Variants in FBXW7 observed in about 807,000 individuals in gnomAD.
FBXW7 encodes the protein F-box/WD repeat-containing protein 7.
FBXW7 carries 11 observed loss-of-function variants against 86.3 expected under a neutral mutation model. The ratio of observed to expected loss-of-function variants is 0.13; its 90% confidence interval spans 0.08 to 0.21. FBXW7 has a LOEUF of 0.21. Ranked by LOEUF, FBXW7 falls within the 10% of genes least tolerant of loss-of-function variation. The probability of loss-of-function intolerance (pLI) is 1.00; values close to 1 mark genes in which losing one functional copy is unlikely to be tolerated. For missense variants in FBXW7, 488 were observed against 847.4 expected (o/e 0.58, Z 5.27); for synonymous variants, 313 against 297.9 (o/e 1.05, Z -0.52).
intron 2 of FBXW7, among the ~76,000 whole-genome samples, chr4:152,467,520 T>C (rs540928174): frequency 6.1e-4 from 93 of 152,248 alleles, no homozygotes; most frequent in Middle Eastern, 3.4e-3. Flanking sequence ...AAACTAAACA[T>C]AAATTCACAA....
chr4:152,325,427 A>C (rs1008134890), intron 12 of FBXW7: 2 of 152,208 alleles, frequency 1.3e-5, no homozygotes, highest in Non-Finnish European at 2.9e-5. Flanking sequence ...CTTCCTATTC[A>C]TCTAGTTAAT....
chr4:152,504,412 T>G (rs1747227661), intron 2 of FBXW7, among the ~76,000 whole-genome samples: 1 of 152,190 alleles, frequency 6.6e-6, no homozygotes, highest in African/African-American at 2.4e-5. Flanking sequence ...AAAAACACTT[T>G]ATTTAATATA....
At chr4:152,330,685 C>T (rs202209279) in intron 9 of FBXW7, 47 bp downstream of exon 9, 1 of 1,587,950 alleles carries the variant, frequency 6.3e-7, no homozygotes, top group Non-Finnish European at 8.6e-7. Context: ...ACACTAGGTA[C>T]TAACACTGAT....
At position 152,323,152 on chromosome 4, in the gene FBXW7, A is replaced by G. The variant is rs2126466696; in HGVS notation, c.1856-3T>C. ...AGCACTCTGATGCTTGTTGGGACCT[A>G]GACAAAAACCAAAAGAATTTAATTA... On this transcript the variant is annotated splice_polypyrimidine_tract_variant and splice_region_variant and intron_variant, in intron 13 of 13. Transcript: ENST00000281708. 1 of 1,610,428 alleles carries G rather than the reference A, an allele frequency of 6.2e-7. No homozygotes were observed. The highest frequency in any genetic ancestry group is 8.5e-7 in the Non-Finnish European group (1 of 1,177,296).
chr4:152,417,199 G>T (rs1360656161), intron 2 of FBXW7, among the ~76,000 whole-genome samples: 2 of 152,040 alleles, frequency 1.3e-5, no homozygotes, highest in Non-Finnish European at 2.9e-5. Context: ...TTTCAAGAAG[G>T]TGTCCCAAAG....
At chr4:152,337,723 T>C (rs1326780029) in intron 7 of FBXW7, 79 bp downstream of exon 7, 4 of 1,409,250 alleles carry the variant, frequency 2.8e-6, no homozygotes, top group Non-Finnish European at 3.9e-6. Flanking sequence ...ATAATTAGCA[T>C]GACAATGTTT....
intron 2 of FBXW7, among the ~76,000 whole-genome samples, chr4:152,454,148 A>G (rs1215113352): frequency 6.6e-6 from 1 of 151,292 alleles, no homozygotes; most frequent in Non-Finnish European, 1.5e-5. Flanking sequence ...TTAAAAATGT[A>G]TTTTCTAGTT....
chr4:152,511,296 C>T (rs1389841690), intron 2 of FBXW7, among the ~76,000 whole-genome samples: 1 of 151,362 alleles, frequency 6.6e-6, no homozygotes, highest in East Asian at 1.9e-4. Flanking sequence ...CCCCCCGCCC[C>T]CCCCACCGAA....
intron 4 of FBXW7, among the ~76,000 whole-genome samples, chr4:152,354,517 G>A (rs1034876584): frequency 3.9e-5 from 6 of 152,054 alleles, no homozygotes; most frequent in Non-Finnish European, 8.8e-5. Flanking sequence ...CATAAGACAC[G>A]TGTAATACTA....
intron 2 of FBXW7, among the ~76,000 whole-genome samples, chr4:152,456,262 C>T (rs1368128737): frequency 6.6e-6 from 1 of 151,284 alleles, no homozygotes; most frequent in Non-Finnish European, 1.5e-5. Flanking sequence ...GCCTGTAATC[C>T]CTGCACTTCT....
rs761636157 is a variant in FBXW7 at position 152,337,874 on chromosome 4, T to A, written c.789A>T (p.Thr263=). ...TCACTTGCATCATATGTTTTACTTG[T>A]GTTGGTTCACAACTATCAATGAGTT... The part of the protein sequence containing the change: ...LDELIDSCEP[T]QVKHMMQVIE... The change falls in exon 7 of 14, where the codon ACA becomes ACT. Residue 263 remains threonine (T), a synonymous_variant. Transcript: ENST00000281708. The A allele has an allele frequency of 6.2e-7, 1 of 1,612,790 alleles. No individual in the cohort carries two copies. Among genetic ancestry groups the A allele is most frequent in the Non-Finnish European group, 8.5e-7 (1 of 1,179,246 alleles).
At position 152,411,635 on chromosome 4, in the gene FBXW7, C is replaced by A. The variant is rs2126880864; in HGVS notation, c.169G>T (p.Gly57Cys). Residue 57 changes from glycine to cysteine, a missense_variant, in exon 4 of 14, where the codon GGT (glycine) becomes TGT (cysteine). Physicochemically the swap from Gly to Cys is radical, Grantham distance 159 (BLOSUM62 -3). This residue lies in a region of FBXW7 where 230 missense variants were observed against 240.0 expected (regional missense o/e 0.96). Transcript: ENST00000281708. ...CTAGGTTCTACTCCAACAACTTCACCATTCCTTGCAGTGTGCTCCTCCTCT... is the reference window on the plus strand; with the variant it reads ...CTAGGTTCTACTCCAACAACTTCACAATTCCTTGCAGTGTGCTCCTCCTCT... Reference protein sequence around the residue: ...QQEEEHTARNGEVVGVEPRPG... With the variant: ...QQEEEHTARNCEVVGVEPRPG... 12 of 1,613,944 alleles carry A rather than the reference C, an allele frequency of 7.4e-6. No individual in the cohort carries two copies. Among genetic ancestry groups the A allele is most frequent in the Non-Finnish European group, 1.0e-5 (12 of 1,179,898 alleles).
At chr4:152,452,953 C>T (rs1446772035) in intron 2 of FBXW7, among the ~76,000 whole-genome samples, 2 of 152,162 alleles carry the variant, frequency 1.3e-5, no homozygotes, top group Non-Finnish European at 2.9e-5. Context: ...GAGGCTGAGG[C>T]AGGTGGGTTC....
intron 4 of FBXW7, among the ~76,000 whole-genome samples, chr4:152,370,816 G>A (rs1181274619): frequency 6.6e-6 from 1 of 151,128 alleles, no homozygotes; most frequent in Non-Finnish European, 1.5e-5. Flanking sequence ...TACAAAAACA[G>A]TATTAATATT....
At chr4:152,368,593 T>C (rs1441511775) in intron 4 of FBXW7, among the ~76,000 whole-genome samples, 1 of 152,130 alleles carries the variant, frequency 6.6e-6, no homozygotes, top group Non-Finnish European at 1.5e-5. Flanking sequence ...AGGTACCATT[T>C]TGACAAGACA....
At chr4:152,409,378 T>C (rs896308644) in intron 4 of FBXW7, among the ~76,000 whole-genome samples, 3 of 152,178 alleles carry the variant, frequency 2.0e-5, no homozygotes, top group African/African-American at 7.2e-5. Flanking sequence ...TTTAAAGCTC[T>C]TCCAAAATAA....
At chr4:152,382,912 G>A (rs1283409659) in intron 4 of FBXW7, among the ~76,000 whole-genome samples, 1 of 151,700 alleles carries the variant, frequency 6.6e-6, no homozygotes, top group Non-Finnish European at 1.5e-5. Context: ...ATGTATGTTT[G>A]TTCTACCTTA....
At chr4:152,419,456 T>C (rs1457327572) in intron 2 of FBXW7, among the ~76,000 whole-genome samples, 2 of 143,306 alleles carry the variant, frequency 1.4e-5, no homozygotes, top group Non-Finnish European at 3.0e-5. Context: ...GGATCTCACA[T>C]AATAGAAATG....
At chr4:152,496,467 A>G (rs1431811412) in intron 2 of FBXW7, among the ~76,000 whole-genome samples, 1 of 152,022 alleles carries the variant, frequency 6.6e-6, no homozygotes, top group Non-Finnish European at 1.5e-5. Context: ...TGAGGTGGGT[A>G]GATCACCTAA....
Sources: allele counts gnomAD v4.1 joint callset (sites outside exome capture counted in the v4.1 genomes callset), GRCh38; gene constraint gnomAD v4.1.1; regional missense constraint gnomAD v4.1.1; transcripts MANE v1.5; gene names NCBI Gene and HGNC (gene_info 2026-07-23, HGNC 2026-07-21).